CDH13: variants seen among roughly 807,000 people sequenced by gnomAD.
CDH13 encodes the protein cadherin 13.
In CDH13, 24 loss-of-function variants were observed where a neutral mutation model predicts 63.8. The ratio of observed to expected loss-of-function variants is 0.38; its 90% confidence interval spans 0.27 to 0.53. The LOEUF (loss-of-function observed/expected upper bound fraction) is 0.53, where lower values mean the gene tolerates loss of function less well. CDH13 is among the 20% of genes least tolerant of loss of function. The pLI is 0.85. For missense variants in CDH13, 1,049 were observed against 903.1 expected, an observed-to-expected ratio of 1.16 and a Z score of -2.07; for synonymous variants, 503 against 355.3, an observed-to-expected ratio of 1.42 and a Z score of -4.67.
chr16:83,794,882 G>GAA (rs147186305), intron 13 of CDH13, 141 bp from the exon 14 acceptor site: 9 of 714,926 alleles, frequency 1.3e-5, no homozygotes, highest in African/African-American at 1.3e-4. Flanking sequence ...GATCCTTAAG[G>GAA]AAAAAAAAAA....
At chr16:83,434,955 CAT>C (rs760286774) in intron 6 of CDH13, among the ~76,000 whole-genome samples, 4 of 65,572 alleles carry the variant, frequency 6.1e-5, no homozygotes, top group Admixed American at 1.5e-4. Flanking sequence ...ATATATAAAA[CAT>C]AGGGGTTTTA....
rs192621841 is a variant in CDH13, at chr16:82,926,115, C to G, written c.157+67642C>G. 462 of 152,224 alleles carry G rather than the reference C, an allele frequency of 3.0e-3. 1 individual carries two copies. The highest frequency in any genetic ancestry group is 0.011 in the African/African-American group (445 of 41,542). The allele number at this position is 152,224 out of a possible 1,614,324, so 9.4% of individuals were successfully genotyped here. A position where few individuals can be genotyped will look rare whatever the true frequency, so the allele number is the denominator to read the frequency against. On this transcript the variant is annotated intron_variant, in intron 2 of 13. Transcript: ENST00000567109. ...GCATAAATGGATACATTCCACTAGG[C>G]CAGGGATTCCTAACTTTTTCTATAA...
intron 1 of CDH13, among the ~76,000 whole-genome samples, chr16:82,783,128 G>A (rs2035843607): frequency 6.6e-6 from 1 of 152,230 alleles, no homozygotes; most frequent in Non-Finnish European, 1.5e-5. Flanking sequence ...TGCAGGGTTG[G>A]CACCGAGGGA....
chr16:83,371,024 T>C (rs1171360547), intron 6 of CDH13, among the ~76,000 whole-genome samples: 1 of 152,096 alleles, frequency 6.6e-6, no homozygotes, highest in Non-Finnish European at 1.5e-5. Flanking sequence ...TACTAAAAAG[T>C]CAAAACGAAA....
At chr16:83,104,917 A>G (rs1325085244) in intron 3 of CDH13, among the ~76,000 whole-genome samples, 4 of 152,222 alleles carry the variant, frequency 2.6e-5, no homozygotes, top group African/African-American at 9.6e-5. Context: ...CTTTTCGTAA[A>G]TACAAGGGCA....
At chr16:83,508,131 A>AAAGGG (rs1479839809) in intron 7 of CDH13, among the ~76,000 whole-genome samples, 3 of 44,582 alleles carry the variant, frequency 6.7e-5, no homozygotes, top group Non-Finnish European at 1.3e-4. Flanking sequence ...GGGAGGAAGG[A>AAAGGG]AAGGGAAGGG....
chr16:83,447,536 C>T (rs1407809877), intron 6 of CDH13, among the ~76,000 whole-genome samples: 1 of 152,010 alleles, frequency 6.6e-6, no homozygotes, highest in Non-Finnish European at 1.5e-5. Flanking sequence ...AGATAAACAC[C>T]ATTGGTGCTG....
chr16:82,989,829 C>G (rs1173823761), intron 2 of CDH13, among the ~76,000 whole-genome samples: 1 of 152,162 alleles, frequency 6.6e-6, no homozygotes. Flanking sequence ...AGTTTAATCC[C>G]TTTGTTTCTT....
intron 2 of CDH13, among the ~76,000 whole-genome samples, chr16:82,912,021 G>C (rs926266883): frequency 6.6e-6 from 1 of 151,892 alleles, no homozygotes; most frequent in East Asian, 2.0e-4. Flanking sequence ...TCCGTGTGCA[G>C]CCCTCAGAGC....
At chr16:83,786,030 C>G (rs1048700193) in intron 13 of CDH13, among the ~76,000 whole-genome samples, 1 of 152,194 alleles carries the variant, frequency 6.6e-6, no homozygotes. Flanking sequence ...TGTTTGCTAC[C>G]GATGGTGCCA....
intron 2 of CDH13, among the ~76,000 whole-genome samples, chr16:82,867,202 A>C (rs929862762): frequency 1.3e-5 from 2 of 152,120 alleles, no homozygotes; most frequent in African/African-American, 4.8e-5. Context: ...TACTGCTTAT[A>C]ATTGGTGGTG....
At position 83,345,017 on chromosome 16, in the gene CDH13, T is replaced by C; in HGVS notation, c.781+11T>C. On this transcript the variant is annotated intron_variant, in intron 6 of 13. Coordinates refer to ENST00000567109, the MANE Select transcript of CDH13 (RefSeq NM_001257.5). The stretch of plus-strand genomic sequence containing the variant: ...AAGGGTCACCCACAGGTATGTCACA[T>C]TGGCTTACCTTTAGCGTAATGGCTT... 4 of 1,613,086 alleles carry C rather than the reference T, an allele frequency of 2.5e-6. No homozygotes were observed. In the South Asian group the frequency reaches 3.3e-5, roughly 13 times the overall value.
At chr16:83,011,310 T>C (rs1031113327) in intron 2 of CDH13, among the ~76,000 whole-genome samples, 7 of 152,160 alleles carry the variant, frequency 4.6e-5, no homozygotes, top group African/African-American at 1.7e-4. Context: ...GACGTCATGC[T>C]TGCAAAGTCT....
intron 4 of CDH13, among the ~76,000 whole-genome samples, chr16:83,168,055 G>C (rs1004301702): frequency 6.6e-6 from 1 of 151,966 alleles, no homozygotes; most frequent in South Asian, 2.1e-4. Flanking sequence ...CTAGAGTGGG[G>C]AGGGAAAGAG....
At chr16:82,777,985 A>G (rs2035576456) in intron 1 of CDH13, among the ~76,000 whole-genome samples, 1 of 152,214 alleles carries the variant, frequency 6.6e-6, no homozygotes, top group African/African-American at 2.4e-5. Context: ...AGTTTTTGAT[A>G]ACAGTCATAG....
intron 11 of CDH13, among the ~76,000 whole-genome samples, chr16:83,775,103 G>C (rs57054597): frequency 0.076 from 11,552 of 151,810 alleles, 546 homozygotes; most frequent in Middle Eastern, 0.15. Context: ...TTCTGGTGGA[G>C]AAAGTATAGG....
At chr16:83,360,585 A>G (rs1003815841) in intron 6 of CDH13, among the ~76,000 whole-genome samples, 9 of 152,098 alleles carry the variant, frequency 5.9e-5, no homozygotes, top group African/African-American at 2.2e-4. Flanking sequence ...CATAGTACCT[A>G]ACAGTTAATT....
intron 6 of CDH13, among the ~76,000 whole-genome samples, chr16:83,456,600 A>G (rs2073030760): frequency 6.6e-6 from 1 of 152,136 alleles, no homozygotes; most frequent in South Asian, 2.1e-4. Context: ...AAGGAAGGGC[A>G]TTTCAGACGC....
chr16:82,738,540 G>A (rs529607908), intron 1 of CDH13, among the ~76,000 whole-genome samples: 6 of 152,184 alleles, frequency 3.9e-5, no homozygotes, highest in Non-Finnish European at 8.8e-5. Flanking sequence ...TAGCTTAGTA[G>A]TTAGCCCTCC....
Sources: gnomAD v4.1 joint callset for allele counts (sites outside exome capture counted in the v4.1 genomes callset) on GRCh38, gnomAD v4.1.1 for gene constraint, MANE v1.5 for transcripts, NCBI Gene and HGNC (gene_info 2026-07-23, HGNC 2026-07-21) for gene names.